The following TTC6 variants were observed in gnomAD, a reference collection of about 807,000 sequenced individuals.
TTC6 encodes the protein tetratricopeptide repeat domain 6, also known as tetratricopeptide repeat protein 6.
A neutral mutation model predicts 210.4 loss-of-function variants in TTC6; 172 were observed. The ratio of observed to expected loss-of-function variants is 0.82; its 90% CI spans 0.72 to 0.93. The LOEUF is 0.93. TTC6 is among the 40% of genes least tolerant of loss of function. The pLI is 0.00. For synonymous variants in TTC6, 804 were observed against 819.6 expected (o/e 0.98, Z 0.32); for missense variants, 2,414 against 2,318.1 (o/e 1.04, Z -0.85).
At chr14:37,700,248 C>G (rs995857779) in intron 4 of TTC6, among the ~76,000 whole-genome samples, 2 of 152,062 alleles carry the variant, frequency 1.3e-5, no homozygotes, top group African/African-American at 4.8e-5. Flanking sequence ...TGGCCAATAG[C>G]CAGTAATGTT....
chr14:37,717,939 G>A (rs1404916712), intron 6 of TTC6, among the ~76,000 whole-genome samples: 1 of 152,188 alleles, frequency 6.6e-6, no homozygotes, highest in East Asian at 1.9e-4. Context: ...AAATGGGCAA[G>A]TTCAGCTCTC....
rs780345455 is a variant in TTC6, at chr14:37,751,856, C to T, written c.3129+631C>T. Among the ~76,000 whole-genome samples, 139 of 123,046 alleles carry T rather than the reference C, an allele frequency of 1.1e-3. 1 individual carries two copies. Among genetic ancestry groups the T allele is most frequent in the Non-Finnish European group, 1.7e-3 (107 of 63,014 alleles). The allele number at this position is 123,046 out of a possible 152,430, so 80.7% of individuals were successfully genotyped here. On this transcript the variant is annotated intron_variant, in intron 13 of 30. Transcript: ENST00000553443. The stretch of plus-strand genomic sequence containing the variant: ...TTTTTTTTTTTGAGGCAGAGTCTTG[C>T]GCTGTTGCCCAGGCTGGAGTGCAGT...
At chr14:37,798,384 A>G (rs2096097611) in intron 20 of TTC6, among the ~76,000 whole-genome samples, 2 of 80,986 alleles carry the variant, frequency 2.5e-5, no homozygotes, top group South Asian at 1.0e-3. Context: ...CTACTATTAT[A>G]AAGGGTATCT....
intron 4 of TTC6, among the ~76,000 whole-genome samples, chr14:37,700,812 A>G (rs1272935017): frequency 6.6e-6 from 1 of 151,178 alleles, no homozygotes; most frequent in Non-Finnish European, 1.5e-5. Flanking sequence ...TAGGAAAGAC[A>G]GAAGAGAGAT....
chr14:37,651,420 T>TA (rs2095712164), intron 1 of TTC6, among the ~76,000 whole-genome samples: 2 of 23,024 alleles, frequency 8.7e-5, no homozygotes, highest in Non-Finnish European at 1.5e-4. Flanking sequence ...TATATATATA[T>TA]ATATATTTTT....
chr14:37,688,065 T>C (rs2095797273), intron 3 of TTC6, among the ~76,000 whole-genome samples: 1 of 151,958 alleles, frequency 6.6e-6, no homozygotes, highest in Admixed American at 6.6e-5. Context: ...GGAAGCCCAC[T>C]CCCCTGAAGG....
intron 7 of TTC6, among the ~76,000 whole-genome samples, chr14:37,725,437 G>T (rs2095871149): frequency 6.8e-6 from 1 of 148,034 alleles, no homozygotes. Context: ...CGCAACCTCC[G>T]CCCCCTGGGT....
intron 2 of TTC6, among the ~76,000 whole-genome samples, chr14:37,610,336 T>C (rs1011768164): frequency 6.6e-6 from 1 of 152,216 alleles, no homozygotes; most frequent in Non-Finnish European, 1.5e-5. Context: ...GAGCGTTTAT[T>C]TCTTTTGACT....
At chr14:37,670,434 A>G (rs1428885054) in intron 1 of TTC6, among the ~76,000 whole-genome samples, 1 of 144,176 alleles carries the variant, frequency 6.9e-6, no homozygotes, top group African/African-American at 2.5e-5. Context: ...TAACACATGT[A>G]CTTTGCATTT....
intron 29 of TTC6, among the ~76,000 whole-genome samples, chr14:37,832,757 A>T (rs1351525231): frequency 6.6e-6 from 1 of 152,028 alleles, no homozygotes; most frequent in Non-Finnish European, 1.5e-5. Context: ...TATTCCATGT[A>T]CTGATAAGAA....
At chr14:37,657,345 T>A (rs2095726401) in intron 1 of TTC6, among the ~76,000 whole-genome samples, 1 of 133,664 alleles carries the variant, frequency 7.5e-6, no homozygotes, top group Non-Finnish European at 1.7e-5. Context: ...GGAAGCTTTC[T>A]ATTTAAAAAA....
chr14:37,751,182 A>G (rs1595196365), exon 13 of TTC6: 3 of 1,531,078 alleles, frequency 2.0e-6, no homozygotes, highest in Non-Finnish European at 8.7e-7. Flanking sequence ...GGTGAGATGT[A>G]TGAAATAACA....
Position 37,808,790 on chromosome 14 carries a change from TA to T in TTC6, c.4514del (p.Tyr1505LeufsTer14), listed in dbSNP as rs767984410. 6.5e-7 allele frequency: 1 copy of T among 1,533,090 alleles called. No homozygotes were observed. Among genetic ancestry groups the T allele is most frequent in the Non-Finnish European group, 8.7e-7 (1 of 1,146,956 alleles). 95.0% of individuals were successfully genotyped at this position (1,533,090 alleles called of 1,614,324 possible). On this transcript the variant is annotated frameshift_variant, in exon 24 of 31. Coordinates refer to ENST00000553443, the Ensembl canonical transcript of TTC6. LOFTEE classifies it high-confidence loss of function. ...AGCTATCAGCATGGACAAAAATAGTTATACAGCATTTTATAACAGAGCATTA... is the reference window on the plus strand; with the variant it reads ...AGCTATCAGCATGGACAAAAATAGTTTACAGCATTTTATAACAGAGCATTA...
intron 1 of TTC6, among the ~76,000 whole-genome samples, chr14:37,656,170 C>T (rs775486034): frequency 6.6e-6 from 1 of 152,074 alleles, no homozygotes; most frequent in Non-Finnish European, 1.5e-5. Flanking sequence ...ATCAAAAATC[C>T]AGGTGTAGCA....
intron 14 of TTC6, among the ~76,000 whole-genome samples, chr14:37,773,491 C>G (rs183391567): frequency 1.1e-4 from 17 of 152,290 alleles, no homozygotes; most frequent in African/African-American, 4.1e-4. Flanking sequence ...CCAGTCATCC[C>G]AGCACCATTT....
intron 16 of TTC6, 56 bp from the exon 19 acceptor site, chr14:37,792,208 A>G: frequency 7.7e-7 from 1 of 1,298,226 alleles, no homozygotes; most frequent in Non-Finnish European, 1.0e-6. Flanking sequence ...TAATTGGAGA[A>G]CATTTGGAAT....
At chr14:37,651,918 T>C (rs1419063152) in intron 1 of TTC6, among the ~76,000 whole-genome samples, 1 of 152,054 alleles carries the variant, frequency 6.6e-6, no homozygotes, top group Non-Finnish European at 1.5e-5. Context: ...GAAAATAGTT[T>C]AGGTTTGATT....
intron 29 of TTC6, among the ~76,000 whole-genome samples, chr14:37,829,840 TTTTG>T (rs1312182557): frequency 6.6e-6 from 1 of 151,934 alleles, no homozygotes; most frequent in African/African-American, 2.4e-5. Flanking sequence ...AATTCTCCCA[TTTTG>T]TTGTAAGTTT....
chr14:37,748,426 A>G (rs2095942360), intron 10 of TTC6, among the ~76,000 whole-genome samples: 1 of 152,196 alleles, frequency 6.6e-6, no homozygotes, highest in African/African-American at 2.4e-5. Context: ...GAGAAGGCTA[A>G]TCCTAGACTT....
Sources: gnomAD v4.1 joint callset for allele counts (sites outside exome capture counted in the v4.1 genomes callset) on GRCh38, gnomAD v4.1.1 for gene constraint, MANE v1.5 for transcripts, NCBI Gene and HGNC (gene_info 2026-07-23, HGNC 2026-07-21) for gene names.